EHD4: variants seen among roughly 807,000 people sequenced by gnomAD.
EHD4 encodes the protein EH domain-containing protein 4.
EHD4 carries 37 observed loss-of-function variants against 51.0 expected under a neutral mutation model. The observed-to-expected ratio is 0.73, with a 90% CI of 0.56 to 0.95. The LOEUF (loss-of-function observed/expected upper bound fraction) is 0.95. Among genes scored for constraint, EHD4 ranks in the 40% least tolerant of loss-of-function variants. The pLI, the probability that EHD4 is intolerant of heterozygous loss-of-function variation, is 0.00. For missense variants in EHD4, 632 were observed against 733.1 expected, an observed-to-expected ratio of 0.86 and a Z score of 1.59; for synonymous variants, 297 against 317.3, an observed-to-expected ratio of 0.94 and a Z score of 0.68.
At chr15:41,961,998 T>C (rs1263947352) in intron 1 of EHD4, among the ~76,000 whole-genome samples, 1 of 152,022 alleles carries the variant, frequency 6.6e-6, no homozygotes, top group African/African-American at 2.4e-5. Context: ...ATATCAGCAA[T>C]ACCCTGCCAA....
intron 1 of EHD4, among the ~76,000 whole-genome samples, chr15:41,955,670 T>C (rs189385795): frequency 1.3e-4 from 20 of 152,290 alleles, no homozygotes; most frequent in Admixed American, 1.2e-3. Flanking sequence ...GTATCCCTAA[T>C]AGCCTAGAAA....
rs759567413 is a variant in EHD4 at position 41,972,264 on chromosome 15, G to A, written c.231C>T (p.Phe77=). 6 of 1,566,488 alleles carry A rather than the reference G, an allele frequency of 3.8e-6. No homozygotes were observed. In the East Asian group the frequency reaches 1.3e-4, roughly 34 times the overall value. Residue 77 remains phenylalanine (F), a synonymous_variant, in exon 1 of 6, where the codon TTC becomes TTT. Transcript: ENST00000220325. ...VGQYSTGKTT[F]IRYLLEQDFP... is the part of the protein sequence containing the mutation. The stretch of plus-strand genomic sequence containing the variant: ...GCGAGGGGCGGTGACGGTACCTGAT[G>A]AAGGTGGTCTTGCCGGTGCTGTACT...
rs138313523 is a variant in EHD4 at position 41,921,960 on chromosome 15, C to T, written c.512-2338G>A. On this transcript the variant is annotated intron_variant, in intron 3 of 5. Transcript: ENST00000220325. ...GACACAGTGAAAATAAGAATTTACTCATGGTGGTGGCGGCTTCCTAACTCT... is the reference window on the plus strand; with the variant it reads ...GACACAGTGAAAATAAGAATTTACTTATGGTGGTGGCGGCTTCCTAACTCT... Among the ~76,000 whole-genome samples, 371 of 152,326 alleles carry T rather than the reference C, an allele frequency of 2.4e-3. 3 individuals are homozygous for T. The highest frequency in any genetic ancestry group is 8.3e-3 in the African/African-American group (347 of 41,560).
At chr15:41,952,082 C>T (rs1186591925) in intron 2 of EHD4, among the ~76,000 whole-genome samples, 6 of 152,234 alleles carry the variant, frequency 3.9e-5, no homozygotes, top group Non-Finnish European at 8.8e-5. Context: ...TTCAGCTCCC[C>T]GGAGAGTTCC....
chr15:41,916,948 T>C (rs2067588504), intron 4 of EHD4, among the ~76,000 whole-genome samples: 1 of 152,186 alleles, frequency 6.6e-6, no homozygotes, highest in African/African-American at 2.4e-5. Flanking sequence ...CACAAGGGTT[T>C]TCATTATTCA....
intron 4 of EHD4, among the ~76,000 whole-genome samples, chr15:41,913,578 A>T (rs2067563823): frequency 6.6e-6 from 1 of 152,228 alleles, no homozygotes; most frequent in South Asian, 2.1e-4. Context: ...TATTATGAGA[A>T]TAAAAGAGGT....
intron 3 of EHD4, among the ~76,000 whole-genome samples, chr15:41,930,457 A>G (rs941632793): frequency 6.6e-6 from 1 of 152,264 alleles, no homozygotes; most frequent in Non-Finnish European, 1.5e-5. Flanking sequence ...GACCGTGACA[A>G]TGCATCTTGT....
chr15:41,924,875 C>T (rs1219967836), intron 3 of EHD4, among the ~76,000 whole-genome samples: 5 of 151,770 alleles, frequency 3.3e-5, no homozygotes, highest in African/African-American at 7.3e-5. Context: ...TGGCCAACTT[C>T]GCGAAACCCT....
chr15:41,912,278 T>C lies in EHD4; in HGVS notation c.925-2415A>G, dbSNP rs1429331177. Among the ~76,000 whole-genome samples, 3 of 152,192 alleles carry C rather than the reference T, an allele frequency of 2.0e-5. No homozygotes were observed. In the South Asian group the frequency reaches 6.2e-4, roughly 32 times the overall value. ...AGCCTCCACTTCTAGGAAGTTCTGT[T>C]AGCGAGGTTTGTGGAAGTCTCCTGT... On this transcript the variant is annotated intron_variant, in intron 4 of 5. Transcript: ENST00000220325.
At chr15:41,923,237 T>C (rs2067639296) in intron 3 of EHD4, among the ~76,000 whole-genome samples, 1 of 152,170 alleles carries the variant, frequency 6.6e-6, no homozygotes, top group Non-Finnish European at 1.5e-5. Flanking sequence ...TTCAGAGAAG[T>C]GTCCTTTTGT....
At chr15:41,918,217 TACACAC>T (rs10682608) in intron 4 of EHD4, among the ~76,000 whole-genome samples, 28 of 147,284 alleles carry the variant, frequency 1.9e-4, no homozygotes, top group East Asian at 6.0e-4. Flanking sequence ...CAGGGAGCTT[TACACAC>T]ACACACACAC....
chr15:41,919,720 G>C (rs754977269), intron 3 of EHD4, 98 bp from the exon 4 acceptor site: 27 of 1,231,924 alleles, frequency 2.2e-5, no homozygotes, highest in African/African-American at 3.1e-5. Context: ...AGCTGCCAGG[G>C]AGAGAGCCCT....
intron 5 of EHD4, among the ~76,000 whole-genome samples, chr15:41,902,744 TACATATGTATGTGTATAC>T (rs2067485356): frequency 6.6e-6 from 1 of 150,814 alleles, no homozygotes; most frequent in Non-Finnish European, 1.5e-5. Flanking sequence ...TATATATATA[TACATATGTATGTGTATAC>T]ATATATGTAT....
chr15:41,964,409 C>A (rs2067948390), intron 1 of EHD4, among the ~76,000 whole-genome samples: 1 of 151,912 alleles, frequency 6.6e-6, no homozygotes, highest in African/African-American at 2.4e-5. Flanking sequence ...TTGAGACCAG[C>A]CTAGACAGCA....
intron 3 of EHD4, among the ~76,000 whole-genome samples, chr15:41,920,795 A>G (rs1202091633): frequency 6.6e-6 from 1 of 152,232 alleles, no homozygotes; most frequent in Non-Finnish European, 1.5e-5. Context: ...CAAGAGTAAA[A>G]GCTTAGTTTC....
intron 3 of EHD4, among the ~76,000 whole-genome samples, chr15:41,929,892 TGACCCTTCAGATGGCTACAGTA>T (rs1472137956): frequency 1.3e-5 from 2 of 152,238 alleles, no homozygotes; most frequent in East Asian, 1.9e-4. Flanking sequence ...CAGCCTAAGA[TGACCCTTCAGATGGCTACAGTA>T]GACCCTTCAG....
chr15:41,939,910 C>T (rs1485189725), intron 3 of EHD4, among the ~76,000 whole-genome samples: 1 of 152,042 alleles, frequency 6.6e-6, no homozygotes, highest in Non-Finnish European at 1.5e-5. Context: ...AATCAATTGC[C>T]CTCATGGGTT....
rs775406627 is a variant in EHD4 at position 41,919,374 on chromosome 15, G to A, written c.760C>T (p.Arg254Cys). 7.4e-6 allele frequency: 12 copies of A among 1,613,588 alleles called. No homozygotes were observed. The East Asian group carries it at 1.3e-4, about 18-fold the overall frequency. ...GKVINTPEVL[R>C]VYIGSFWAQP... ...GCCCAGAAGGAGCCAATGTAGACGC[G>A]CAGTACCTCGGGCGTGTTGATGACC... Residue 254 changes from arginine (R) to cysteine (C), a missense_variant, in exon 4 of 6, where the codon CGC (arginine) becomes TGC (cysteine). Transcript: ENST00000220325.
At chr15:41,907,801 G>A (rs1167232566) in intron 5 of EHD4, among the ~76,000 whole-genome samples, 3 of 151,502 alleles carry the variant, frequency 2.0e-5, no homozygotes, top group Non-Finnish European at 4.4e-5. Context: ...GGGATTACAG[G>A]TGTGAGCCAC....
Sources: gnomAD v4.1 joint callset for allele counts (sites outside exome capture counted in the v4.1 genomes callset) on GRCh38, gnomAD v4.1.1 for gene constraint, MANE v1.5 for transcripts, NCBI Gene and HGNC (gene_info 2026-07-23, HGNC 2026-07-21) for gene names.